The following RAD54L2 variants were observed in gnomAD, a reference collection of about 807,000 sequenced individuals.
The protein encoded by RAD54L2 is helicase ARIP4.
RAD54L2 carries 27 observed loss-of-function variants against 138.4 expected under a neutral mutation model. The ratio of observed to expected loss-of-function variants is 0.20; its 90% CI spans 0.14 to 0.27. RAD54L2 has a LOEUF of 0.27. Among genes scored for constraint, RAD54L2 ranks in the 10% least tolerant of loss-of-function variants. The pLI is 1.00. For missense variants in RAD54L2, 1,396 were observed against 1,890.2 expected (o/e 0.74, Z 4.85); for synonymous variants, 644 against 723.2 (o/e 0.89, Z 1.76).
intron 2 of RAD54L2, among the ~76,000 whole-genome samples, chr3:51,554,308 A>G (rs1698912592): frequency 6.6e-6 from 1 of 151,668 alleles, no homozygotes; most frequent in Non-Finnish European, 1.5e-5. Flanking sequence ...CGGAGGTTGC[A>G]GTGAGCTGAG....
At chr3:51,647,320 A>G (rs1701305569) in intron 19 of RAD54L2, among the ~76,000 whole-genome samples, 1 of 152,166 alleles carries the variant, frequency 6.6e-6, no homozygotes, top group Admixed American at 6.5e-5. Context: ...CTCACACCTC[A>G]GCCTCCCAAG....
chr3:51,663,713 CTGCT>C lies in RAD54L2; in HGVS notation c.*302_*305del. The C allele has an allele frequency of 2.7e-6, 1 of 364,050 alleles. No homozygotes were observed. The highest frequency in any genetic ancestry group is 4.9e-5 in the South Asian group (1 of 20,484). 22.6% of individuals were successfully genotyped at this position (364,050 alleles called of 1,614,324 possible). ...TTCCTTCCTGCCTTGCTTATGCTGT[CTGCT>C]TGCTTGCTCGCCCATCTGAGTGTAG... On this transcript the variant is annotated 3_prime_UTR_variant, in exon 23 of 23. Transcript: ENST00000684192.
chr3:51,591,632 C>T (rs1699843159), intron 3 of RAD54L2, among the ~76,000 whole-genome samples: 1 of 152,156 alleles, frequency 6.6e-6, no homozygotes, highest in South Asian at 2.1e-4. Context: ...CATTTGCTGT[C>T]TGTTGCTAGC....
intron 3 of RAD54L2, among the ~76,000 whole-genome samples, chr3:51,604,265 C>CAA (rs1323201086): frequency 3.3e-5 from 5 of 152,052 alleles, no homozygotes; most frequent in Non-Finnish European, 7.4e-5. Flanking sequence ...TGGAATCCAT[C>CAA]GTTTAGGTTT....
intron 13 of RAD54L2, 89 bp from the exon 14 acceptor site, chr3:51,639,792 C>T: frequency 6.7e-7 from 1 of 1,486,470 alleles, no homozygotes; most frequent in Non-Finnish European, 9.1e-7. Context: ...TAAAGGTGGC[C>T]AGTGAGCTGC....
intron 2 of RAD54L2, among the ~76,000 whole-genome samples, chr3:51,577,961 A>G (rs1699517357): frequency 1.3e-5 from 2 of 152,154 alleles, no homozygotes; most frequent in African/African-American, 4.8e-5. Flanking sequence ...TCATAGACAC[A>G]TCATTATGTA....
At chr3:51,583,953 G>T (rs1235993763) in intron 2 of RAD54L2, among the ~76,000 whole-genome samples, 1 of 151,606 alleles carries the variant, frequency 6.6e-6, no homozygotes, top group Non-Finnish European at 1.5e-5. Flanking sequence ...CCATTGAAAG[G>T]GTCTTGGGGA....
At chr3:51,600,194 G>A (rs564810697) in intron 3 of RAD54L2, among the ~76,000 whole-genome samples, 33 of 150,352 alleles carry the variant, frequency 2.2e-4, no homozygotes, top group African/African-American at 7.8e-4. Flanking sequence ...CGCCTGCTTC[G>A]GCCTCCCAAA....
intron 2 of RAD54L2, among the ~76,000 whole-genome samples, chr3:51,585,977 G>A (rs1375263527): frequency 6.6e-6 from 1 of 152,050 alleles, no homozygotes; most frequent in Non-Finnish European, 1.5e-5. Context: ...AGAATGAGGA[G>A]CAAATGAGGG....
rs184233858 is a variant in RAD54L2 at position 51,622,536 on chromosome 3, G to A, written c.140-5017G>A. The stretch of plus-strand genomic sequence containing the variant: ...AAGCAAAAGCTGTCTACCCGAAACC[G>A]TCTCTCAGTTGAGGGCCAAGGAAGT... On this transcript the variant is annotated intron_variant, in intron 3 of 22. Transcript: ENST00000684192. Among the ~76,000 whole-genome samples, 60 of 152,232 alleles carry A rather than the reference G, an allele frequency of 3.9e-4. 1 individual carries two copies. The highest frequency in any genetic ancestry group is 5.3e-4 in the Non-Finnish European group (36 of 68,016).
At chr3:51,570,935 C>T (rs542533481) in intron 2 of RAD54L2, among the ~76,000 whole-genome samples, 167 of 152,180 alleles carry the variant, frequency 1.1e-3, no homozygotes, top group African/African-American at 4.0e-3. Context: ...GATTTTCTTG[C>T]CTCAGCCTCC....
chr3:51,624,996 A>C (rs1327985827), intron 3 of RAD54L2, among the ~76,000 whole-genome samples: 1 of 152,152 alleles, frequency 6.6e-6, no homozygotes, highest in African/African-American at 2.4e-5. Flanking sequence ...TGGCCTAGGG[A>C]ACATCAGCTT....
At chr3:51,593,565 G>T (rs574157948) in intron 3 of RAD54L2, among the ~76,000 whole-genome samples, 1 of 151,906 alleles carries the variant, frequency 6.6e-6, no homozygotes, top group Non-Finnish European at 1.5e-5. Flanking sequence ...ATCTCCTGAC[G>T]TCGTGATCCG....
intron 1 of RAD54L2, 185 bp from the exon 2 acceptor site, chr3:51,541,403 AT>A (rs1698544629): frequency 6.6e-6 from 1 of 152,186 alleles, no homozygotes; most frequent in South Asian, 2.1e-4. Context: ...ACACCTGTTA[AT>A]TTTAAGTACT....
At chr3:51,558,864 G>A (rs748775083) in intron 2 of RAD54L2, among the ~76,000 whole-genome samples, 3 of 151,922 alleles carry the variant, frequency 2.0e-5, no homozygotes, top group Non-Finnish European at 4.4e-5. Context: ...TGTAATAGTA[G>A]CAGCATCAAC....
In RAD54L2 at chr3:51,663,316, T is replaced by C; in HGVS notation, c.4300T>C (p.Ser1434Pro). ...AGYPAGGLLR[S>P]QVPPFDSHEV... ...CTACCCAGCTGGTGGCCTCCTACGG[T>C]CCCAGGTGCCTCCATTTGACTCTCA... The change falls in exon 23 of 23, where the codon TCC (serine) becomes CCC (proline). Residue 1434 changes from serine to proline, a missense_variant. Around this residue, in one of 7 missense-constraint regions of RAD54L2, gnomAD observed 634 missense variants for 711.2 expected, o/e 0.89. Transcript: ENST00000684192. 1 of 1,613,852 alleles carries C rather than the reference T, an allele frequency of 6.2e-7. No homozygotes were observed. Among genetic ancestry groups the C allele is most frequent in the Non-Finnish European group, 8.5e-7 (1 of 1,179,846 alleles).
chr3:51,579,934 A>G (rs2106685977), intron 2 of RAD54L2, among the ~76,000 whole-genome samples: 1 of 152,238 alleles, frequency 6.6e-6, no homozygotes, highest in African/African-American at 2.4e-5. Flanking sequence ...TATATTTCCA[A>G]CACCAACAAT....
intron 14 of RAD54L2, 26 bp from the exon 15 acceptor site, chr3:51,641,723 T>C (rs1480448145): frequency 6.8e-7 from 1 of 1,470,274 alleles, no homozygotes; most frequent in African/African-American, 1.4e-5. Flanking sequence ...CTGGGAGCCA[T>C]CTGAACGAAA....
intron 2 of RAD54L2, among the ~76,000 whole-genome samples, chr3:51,562,519 T>C (rs1699123024): frequency 6.6e-6 from 1 of 152,096 alleles, no homozygotes; most frequent in Non-Finnish European, 1.5e-5. Context: ...CGTGAGCCAC[T>C]GTGCCCTGCC....
Sources: gnomAD v4.1 joint callset for allele counts (sites outside exome capture counted in the v4.1 genomes callset) on GRCh38, gnomAD v4.1.1 for gene constraint, gnomAD v4.1.1 regional missense constraint, MANE v1.5 for transcripts, NCBI Gene and HGNC (gene_info 2026-07-23, HGNC 2026-07-21) for gene names.